The following CMYA5 variants were observed in gnomAD, a reference collection of about 807,000 sequenced individuals.
CMYA5 encodes cardiomyopathy-associated protein 5.
Under a neutral mutation model 318.9 loss-of-function variants are expected in CMYA5, and 246 were observed. That is an observed-to-expected ratio of 0.77 (90% CI 0.70 to 0.86). The LOEUF (loss-of-function observed/expected upper bound fraction) is 0.86. Among genes scored for constraint, CMYA5 ranks in the 40% least tolerant of loss-of-function variants. CMYA5 has a pLI of 0.00. For missense variants in CMYA5, 4,589 were observed against 4,678.2 expected, an observed-to-expected ratio of 0.98 and a Z score of 0.56; for synonymous variants, 1,641 against 1,729.5, an observed-to-expected ratio of 0.95 and a Z score of 1.27.
At chr5:79,778,516 C>G (rs1419054600) in intron 9 of CMYA5, among the ~76,000 whole-genome samples, 1 of 152,052 alleles carries the variant, frequency 6.6e-6, no homozygotes, top group African/African-American at 2.4e-5. Context: ...GGTTGAACAT[C>G]TTTTCATATG....
chr5:79,755,497 G>A (rs1424236156), intron 6 of CMYA5, among the ~76,000 whole-genome samples: 2 of 152,106 alleles, frequency 1.3e-5, no homozygotes, highest in Non-Finnish European at 2.9e-5. Flanking sequence ...GTGTTGGCCA[G>A]GTTGGTCTCC....
At chr5:79,776,599 C>G (rs1828943346) in intron 9 of CMYA5, among the ~76,000 whole-genome samples, 1 of 152,062 alleles carries the variant, frequency 6.6e-6, no homozygotes, top group African/African-American at 2.4e-5. Context: ...TTCAAAGGCC[C>G]CTCTTAAGAT....
chr5:79,700,146 C>T (rs892652644), intron 1 of CMYA5, among the ~76,000 whole-genome samples: 1 of 152,206 alleles, frequency 6.6e-6, no homozygotes, highest in African/African-American at 2.4e-5. Context: ...ACTTGCTGCT[C>T]AACCTGCTAC....
Position 79,730,202 on chromosome 5 carries a change from T to A in CMYA5, c.1437T>A (p.Ser479Arg), listed in dbSNP as rs745657857. Residue 479 changes from serine (S) to arginine (R), a missense_variant, in exon 2 of 13, where the codon AGT becomes AGA. Ser to Arg is a moderately radical substitution (Grantham distance 110). Around this residue, in one of 3 missense-constraint regions of CMYA5, gnomAD observed 2,132 missense variants for 2,131.3 expected, o/e 1.00. Transcript: ENST00000446378. ...CAAAACTGACCCCTACCCATCCCAG[T>A]GTCAAAGGAGAGAAGGAGGAAAACA... ...VSAKLTPTHP[S>R]VKGEKEENML... The A allele has an allele frequency of 6.8e-6, 11 of 1,613,910 alleles. No individual in the cohort carries two copies. Among genetic ancestry groups the A allele is most frequent in the Non-Finnish European group, 9.3e-6 (11 of 1,179,862 alleles).
At chr5:79,754,924 T>C (rs7733229) in intron 6 of CMYA5, among the ~76,000 whole-genome samples, 19,382 of 152,260 alleles carry the variant, frequency 0.13, 1,355 homozygotes, top group East Asian at 0.27. Context: ...TGGAATCATA[T>C]GGTATTTCTC....
At chr5:79,790,657 G>A (rs559464175) in intron 10 of CMYA5, among the ~76,000 whole-genome samples, 8 of 152,310 alleles carry the variant, frequency 5.3e-5, no homozygotes, top group African/African-American at 1.2e-4. Flanking sequence ...GGTGGGGTCC[G>A]AGAGTCTGAA....
At chr5:79,778,959 T>C (rs1452227008) in intron 9 of CMYA5, among the ~76,000 whole-genome samples, 3 of 119,572 alleles carry the variant, frequency 2.5e-5, no homozygotes, top group Non-Finnish European at 5.0e-5. Flanking sequence ...CATGTGCACA[T>C]TGTGCAGGTT....
chr5:79,726,909 A>ATTTTTTTTTTTTTTTTTTTTTTT lies in CMYA5; in HGVS notation c.150-2005_150-1983dup, dbSNP rs34198193. Reference sequence around the variant, plus strand: ...AGAGCTAGGATTGTTTAGGCCAGTGATTTTTTTTTTTTTTTTTTTTTTTGA... The same window carrying ATTTTTTTTTTTTTTTTTTTTTTT: ...AGAGCTAGGATTGTTTAGGCCAGTGATTTTTTTTTTTTTTTTTTTTTTTTTTTTTTTTTTTTTTTTTTTTTTGA... On this transcript the variant is annotated intron_variant, in intron 1 of 12. Transcript: ENST00000446378. Among the ~76,000 whole-genome samples the ATTTTTTTTTTTTTTTTTTTTTTT allele has an allele frequency of 4.9e-4, 47 of 96,030 alleles. 7 individuals are homozygous for ATTTTTTTTTTTTTTTTTTTTTTT. The highest frequency in any genetic ancestry group is 1.2e-3 in the East Asian group (3 of 2,486). 63.0% of individuals were successfully genotyped at this position (96,030 alleles called of 152,430 possible). A position where few individuals can be genotyped will look rare whatever the true frequency, so the allele number is the denominator to read the frequency against.
chr5:79,791,996 CT>C (rs142555408), intron 11 of CMYA5, among the ~76,000 whole-genome samples: 6,932 of 152,244 alleles, frequency 0.046, 225 homozygotes, highest in Non-Finnish European at 0.073. Context: ...CTGCTGTGCC[CT>C]GGTGTCGGTG....
Position 79,736,076 on chromosome 5 carries a change from TTCC to T in CMYA5, c.7313_7315del (p.Ser2438del). On this transcript the variant is annotated inframe_deletion, in exon 2 of 13. Coordinates refer to ENST00000446378, the MANE Select transcript of CMYA5 (RefSeq NM_153610.5). ...TCAAGAAAGAAATGCAAAATCCTAC[TTCC>T]TTGAAAATTTCTGAAGAGGAAACAA... The T allele has an allele frequency of 6.2e-7, 1 of 1,612,342 alleles. No homozygotes were observed. The highest frequency in any genetic ancestry group is 8.5e-7 in the Non-Finnish European group (1 of 1,179,540).
intron 7 of CMYA5, among the ~76,000 whole-genome samples, chr5:79,760,762 C>T (rs1321346565): frequency 6.6e-6 from 1 of 152,192 alleles, no homozygotes; most frequent in Non-Finnish European, 1.5e-5. Context: ...CAAACCATAT[C>T]ATAGGACCTT....
At chr5:79,764,121 C>G (rs771638907) in intron 9 of CMYA5, among the ~76,000 whole-genome samples, 1 of 151,722 alleles carries the variant, frequency 6.6e-6, no homozygotes. Flanking sequence ...CATCTGTATT[C>G]GGTGTTTCTC....
At chr5:79,741,117 A>G (rs1170156899) in intron 2 of CMYA5, among the ~76,000 whole-genome samples, 1 of 152,174 alleles carries the variant, frequency 6.6e-6, no homozygotes, top group Admixed American at 6.5e-5. Flanking sequence ...GGCTCAAGCC[A>G]TCCTCCCTCT....
rs201033008 is a variant in CMYA5 at position 79,735,684 on chromosome 5, G to C, written c.6919G>C (p.Val2307Leu). 115 of 1,608,378 alleles carry C rather than the reference G, an allele frequency of 7.2e-5. No individual in the cohort carries two copies. Among genetic ancestry groups the C allele is most frequent in the Admixed American group, 3.2e-4 (19 of 58,704 alleles). ...DSEEMNINSV[V>L]TSADGENLEI... ...AGAGGAAATGAACATAAACTCAGTA[G>C]TTACTTCTGCTGATGGTGAGAACCT... is the stretch of plus-strand genomic sequence containing the variant. Residue 2307 changes from valine to leucine, a missense_variant, in exon 2 of 13, where the codon GTT becomes CTT. Around this residue, in one of 3 missense-constraint regions of CMYA5, gnomAD observed 2,431 missense variants for 2,495.1 expected, o/e 0.97. Coordinates refer to ENST00000446378, the MANE Select transcript of CMYA5 (RefSeq NM_153610.5).
chr5:79,734,981 C>A lies in CMYA5; in HGVS notation c.6216C>A (p.Ala2072=). The change falls in exon 2 of 13, where the codon GCC becomes GCA. Residue 2072 remains alanine, a synonymous_variant. Coordinates refer to ENST00000446378, the MANE Select transcript of CMYA5 (RefSeq NM_153610.5). ...CAATCTCCTCTTCTGTCAAAACAGC[C>A]CATTTCCCGGCAGAAGGTGTGGAAC... ...SETISSSVKT[A]HFPAEGVEPA... The A allele has an allele frequency of 6.2e-7, 1 of 1,613,688 alleles. No homozygotes were observed. The highest frequency in any genetic ancestry group is 2.2e-5 in the East Asian group (1 of 44,872).
At chr5:79,777,512 C>T (rs1828959428) in intron 9 of CMYA5, among the ~76,000 whole-genome samples, 1 of 152,222 alleles carries the variant, frequency 6.6e-6, no homozygotes, top group Non-Finnish European at 1.5e-5. Flanking sequence ...TGGCTCATGT[C>T]TGTAACCCCA....
In CMYA5 at chr5:79,710,355, T is replaced by C. The variant is rs535152201; in HGVS notation, c.150-18560T>C. On this transcript the variant is annotated intron_variant, in intron 1 of 12. Transcript: ENST00000446378. Reference sequence around the variant, plus strand: ...TAATTGCTACTACCCTAAATATTGATAAATATAACCCACATGAACAAAAGC... The same window carrying C: ...TAATTGCTACTACCCTAAATATTGACAAATATAACCCACATGAACAAAAGC... Among the ~76,000 whole-genome samples, 3 of 152,316 alleles carry C rather than the reference T, an allele frequency of 2.0e-5. No individual in the cohort carries two copies. In the South Asian group the frequency reaches 6.2e-4, roughly 32 times the overall value.
chr5:79,701,090 C>CAAA (rs1554097982), intron 1 of CMYA5, among the ~76,000 whole-genome samples: 1,578 of 114,884 alleles, frequency 0.014, 44 homozygotes, highest in African/African-American at 0.047. Context: ...ACTAAAAATA[C>CAAA]AAAAAAAAAA....
intron 9 of CMYA5, among the ~76,000 whole-genome samples, chr5:79,779,062 C>T (rs174079): frequency 0.023 from 1,151 of 49,092 alleles, 25 homozygotes; most frequent in East Asian, 0.17. Flanking sequence ...ATCCCTCCCC[C>T]CTCCCCCGAC....
Sources: allele counts gnomAD v4.1 joint callset (sites outside exome capture counted in the v4.1 genomes callset), GRCh38; gene constraint gnomAD v4.1.1; regional missense constraint gnomAD v4.1.1; transcripts MANE v1.5; gene names NCBI Gene and HGNC (gene_info 2026-07-23, HGNC 2026-07-21).